BTRC: variants seen among roughly 807,000 people sequenced by gnomAD.
BTRC encodes the protein F-box/WD repeat-containing protein 1A.
In BTRC, 42 loss-of-function variants were observed where a neutral mutation model predicts 85.5. The ratio of observed to expected loss-of-function variants is 0.49; its 90% CI spans 0.38 to 0.64. The LOEUF (loss-of-function observed/expected upper bound fraction) is 0.64, where lower values mean the gene tolerates loss of function less well. Among genes scored for constraint, BTRC ranks in the 30% least tolerant of loss-of-function variants. The pLI, the probability that BTRC is intolerant of heterozygous loss-of-function variation, is 0.00. For synonymous variants in BTRC, 255 were observed against 263.3 expected, an observed-to-expected ratio of 0.97 and a Z score of 0.30; for missense variants, 594 against 743.5, an observed-to-expected ratio of 0.80 and a Z score of 2.34.
intron 1 of BTRC, among the ~76,000 whole-genome samples, chr10:101,429,057 G>A (rs1944331592): frequency 1.3e-5 from 2 of 151,956 alleles, no homozygotes; most frequent in Non-Finnish European, 2.9e-5. Flanking sequence ...TTGTTTTAAG[G>A]AGAAAAAAGT....
chr10:101,533,265 C>T (rs2062328471), intron 9 of BTRC, among the ~76,000 whole-genome samples, 195 bp downstream of exon 9: 3 of 152,170 alleles, frequency 2.0e-5, no homozygotes, highest in Non-Finnish European at 2.9e-5. Context: ...TACATTTTCG[C>T]ACATTGAAGA....
chr10:101,513,576 G>A (rs1240096323), intron 4 of BTRC, among the ~76,000 whole-genome samples: 1 of 152,120 alleles, frequency 6.6e-6, no homozygotes, highest in Non-Finnish European at 1.5e-5. Context: ...GCATGTTTTT[G>A]AGGTTCATCT....
intron 3 of BTRC, among the ~76,000 whole-genome samples, chr10:101,471,504 G>T (rs931427959): frequency 1.3e-5 from 2 of 152,078 alleles, no homozygotes; most frequent in African/African-American, 2.4e-5. Flanking sequence ...AAGAGTTTTT[G>T]TGTCTGTTTC....
At chr10:101,428,347 A>G (rs955914267) in intron 1 of BTRC, among the ~76,000 whole-genome samples, 2 of 152,210 alleles carry the variant, frequency 1.3e-5, no homozygotes, top group Admixed American at 6.5e-5. Context: ...ATCATGAATT[A>G]TTGATGAGAG....
At chr10:101,441,141 T>G (rs1944669004) in intron 2 of BTRC, among the ~76,000 whole-genome samples, 1 of 152,170 alleles carries the variant, frequency 6.6e-6, no homozygotes, top group Admixed American at 6.5e-5. Context: ...ACAGGATGAA[T>G]GAAAACAAAC....
chr10:101,515,051 G>T (rs1317390389), intron 4 of BTRC, among the ~76,000 whole-genome samples: 1 of 151,836 alleles, frequency 6.6e-6, no homozygotes, highest in Admixed American at 6.6e-5. Context: ...CACCTCCCGG[G>T]TTCAAGCAAT....
chr10:101,423,094 A>C (rs1944151595), intron 1 of BTRC, among the ~76,000 whole-genome samples: 1 of 152,034 alleles, frequency 6.6e-6, no homozygotes, highest in South Asian at 2.1e-4. Flanking sequence ...TTTTCATAAA[A>C]ATAGAGATGG....
intron 1 of BTRC, among the ~76,000 whole-genome samples, chr10:101,379,825 G>A (rs546026602): frequency 6.6e-6 from 1 of 152,214 alleles, no homozygotes; most frequent in South Asian, 2.1e-4. Flanking sequence ...GGAAAAAAGG[G>A]ACAGAAAATA....
intron 1 of BTRC, among the ~76,000 whole-genome samples, chr10:101,370,455 G>A (rs1270335888): frequency 6.6e-6 from 1 of 152,126 alleles, no homozygotes; most frequent in Non-Finnish European, 1.5e-5. Flanking sequence ...CCTGTACTAA[G>A]ACCTCTGCTG....
chr10:101,354,106 G>A, upstream of BTRC: 2 of 1,510,410 alleles, frequency 1.3e-6, no homozygotes, highest in Non-Finnish European at 9.0e-7. Flanking sequence ...GGCGGGATCC[G>A]GGCGCTGCGT....
chr10:101,500,735 T>G (rs1946380049), intron 4 of BTRC, among the ~76,000 whole-genome samples: 1 of 152,148 alleles, frequency 6.6e-6, no homozygotes, highest in Non-Finnish European at 1.5e-5. Flanking sequence ...AATTTTAAAG[T>G]CAGCATGTAG....
chr10:101,470,571 C>G, intron 3 of BTRC, among the ~76,000 whole-genome samples: 1 of 152,092 alleles, frequency 6.6e-6, no homozygotes, highest in East Asian at 1.9e-4. Context: ...CTCAGGTGAT[C>G]CGACCGCCTC....
chr10:101,513,845 C>T (rs1290709495), intron 4 of BTRC, among the ~76,000 whole-genome samples: 1 of 152,212 alleles, frequency 6.6e-6, no homozygotes, highest in Non-Finnish European at 1.5e-5. Context: ...TTACAAAAAA[C>T]TGTCAACTTG....
intron 4 of BTRC, 53 bp downstream of exon 4, chr10:101,479,510 A>G (rs1945782015): frequency 3.7e-6 from 5 of 1,365,836 alleles, no homozygotes; most frequent in South Asian, 2.4e-5. Flanking sequence ...ACAGTGCCAT[A>G]TCTGTAGGCA....
rs181032550 is a variant in BTRC at position 101,377,607 on chromosome 10, A to G, written c.48+23379A>G. Among the ~76,000 whole-genome samples the G allele has an allele frequency of 1.1e-3, 163 of 152,266 alleles. 1 individual carries two copies. Among genetic ancestry groups the G allele is most frequent in the Non-Finnish European group, 1.8e-3 (123 of 68,010 alleles). ...ATAGGGATATCCTATTGTGGTTTCA[A>G]TTTGTATTTCCCTAATGCATTCCTC... On this transcript the variant is annotated intron_variant, in intron 1 of 14. Coordinates refer to ENST00000370187, the MANE Select transcript of BTRC (RefSeq NM_033637.4).
chr10:101,411,810 C>T (rs991287982), intron 1 of BTRC, among the ~76,000 whole-genome samples: 3 of 151,846 alleles, frequency 2.0e-5, no homozygotes, highest in African/African-American at 7.3e-5. Context: ...TAGTTGTAGA[C>T]ATTGTGATAT....
chr10:101,469,150 A>G (rs1310439163), intron 3 of BTRC, among the ~76,000 whole-genome samples: 1 of 152,238 alleles, frequency 6.6e-6, no homozygotes, highest in Admixed American at 6.5e-5. Flanking sequence ...CAAGTGTTGC[A>G]TGGGGACAGA....
chr10:101,498,404 C>G (rs1421930208), intron 4 of BTRC, among the ~76,000 whole-genome samples: 1 of 152,066 alleles, frequency 6.6e-6, no homozygotes, highest in Non-Finnish European at 1.5e-5. Context: ...ATCTGCCCCC[C>G]TTGGCCTCCC....
chr10:101,542,892 T>C (rs2062490041), intron 13 of BTRC, among the ~76,000 whole-genome samples: 1 of 152,184 alleles, frequency 6.6e-6, no homozygotes, highest in African/African-American at 2.4e-5. Context: ...GTCGTTGTTT[T>C]TGAGACGGAG....
Sources: gnomAD v4.1 joint callset for allele counts (sites outside exome capture counted in the v4.1 genomes callset) on GRCh38, gnomAD v4.1.1 for gene constraint, MANE v1.5 for transcripts, NCBI Gene and HGNC (gene_info 2026-07-23, HGNC 2026-07-21) for gene names.